OSTN: variants seen among roughly 807,000 people sequenced by gnomAD.
OSTN encodes the protein osteocrin.
Under a neutral mutation model 12.0 loss-of-function variants are expected in OSTN, and 9 were observed. The observed-to-expected ratio is 0.75, with a 90% CI of 0.45 to 1.30. The LOEUF (loss-of-function observed/expected upper bound fraction) is 1.30, where lower values mean the gene tolerates loss of function less well. Ranked by LOEUF, OSTN falls within the 50% of genes most tolerant of loss-of-function variation. The pLI, the probability that OSTN is intolerant of heterozygous loss-of-function variation, is 0.00. For synonymous variants in OSTN, 59 were observed against 56.9 expected (o/e 1.04, Z -0.16); for missense variants, 148 against 152.3 (o/e 0.97, Z 0.15).
chr3:191,204,375 G>A (rs1480663170), intron 1 of OSTN, among the ~76,000 whole-genome samples: 1 of 152,102 alleles, frequency 6.6e-6, no homozygotes, highest in African/African-American at 2.4e-5. Flanking sequence ...TATTTTTTAT[G>A]AGGATAATAT....
At chr3:191,203,207 C>G (rs1714190680) in intron 1 of OSTN, among the ~76,000 whole-genome samples, 1 of 152,202 alleles carries the variant, frequency 6.6e-6, no homozygotes, top group Non-Finnish European at 1.5e-5. Context: ...TTACCTTCCA[C>G]ATAAGGCTGC....
At chr3:191,252,478 G>A (rs528082818) in intron 4 of OSTN, among the ~76,000 whole-genome samples, 1 of 152,294 alleles carries the variant, frequency 6.6e-6, no homozygotes, top group African/African-American at 2.4e-5. Context: ...ATCCAAATTT[G>A]TATGTTGTGT....
chr3:191,243,477 C>T (rs147144458), intron 3 of OSTN, among the ~76,000 whole-genome samples: 2 of 152,254 alleles, frequency 1.3e-5, no homozygotes, highest in East Asian at 3.9e-4. Context: ...TACAGCTCCA[C>T]ATGTCATCTT....
At chr3:191,204,528 T>A (rs1404436133) in intron 1 of OSTN, among the ~76,000 whole-genome samples, 1 of 151,888 alleles carries the variant, frequency 6.6e-6, no homozygotes, top group Non-Finnish European at 1.5e-5. Context: ...AGCTTCTAAG[T>A]GACACAGCCA....
intron 3 of OSTN, among the ~76,000 whole-genome samples, chr3:191,225,490 T>A (rs1191433104): frequency 6.6e-6 from 1 of 152,038 alleles, no homozygotes; most frequent in Non-Finnish European, 1.5e-5. Context: ...TCATATTGAC[T>A]CCCAAATCAC....
intron 4 of OSTN, among the ~76,000 whole-genome samples, chr3:191,261,979 G>A (rs906858016): frequency 6.6e-6 from 1 of 152,238 alleles, no homozygotes; most frequent in Non-Finnish European, 1.5e-5. Flanking sequence ...CACTTTGGGA[G>A]ACCGAGGCGG....
chr3:191,220,373 T>G (rs569714172), intron 3 of OSTN, among the ~76,000 whole-genome samples: 1 of 152,352 alleles, frequency 6.6e-6, no homozygotes, highest in African/African-American at 2.4e-5. Context: ...AGTTCCACTA[T>G]GTTCTGGGTA....
intron 1 of OSTN, among the ~76,000 whole-genome samples, chr3:191,202,469 A>G (rs1157654797): frequency 6.6e-6 from 1 of 152,190 alleles, no homozygotes; most frequent in African/African-American, 2.4e-5. Context: ...TGTATGCCTA[A>G]TAAATGCATC....
intron 1 of OSTN, among the ~76,000 whole-genome samples, chr3:191,202,580 T>C (rs6786491): frequency 0.4 from 60,857 of 152,090 alleles, 12,873 homozygotes; most frequent in African/African-American, 0.54. Context: ...AATTATGATG[T>C]AAGATTTTGA....
intron 4 of OSTN, among the ~76,000 whole-genome samples, chr3:191,252,185 A>T (rs1448911864): frequency 6.6e-6 from 1 of 151,986 alleles, no homozygotes; most frequent in African/African-American, 2.4e-5. Flanking sequence ...TCAGCCTCCC[A>T]AGCATCTGGG....
intron 2 of OSTN, among the ~76,000 whole-genome samples, chr3:191,215,867 C>T (rs1027880626): frequency 5.3e-5 from 8 of 152,130 alleles, no homozygotes; most frequent in African/African-American, 9.7e-5. Flanking sequence ...TGCAAGCTGT[C>T]GGTGGAGCTA....
intron 3 of OSTN, among the ~76,000 whole-genome samples, chr3:191,244,127 G>T (rs1053677235): frequency 1.9e-4 from 29 of 151,962 alleles, no homozygotes; most frequent in African/African-American, 6.8e-4. Flanking sequence ...AAATGTATAG[G>T]TTCTGTATGT....
intron 3 of OSTN, among the ~76,000 whole-genome samples, chr3:191,248,465 T>A (rs1576938188): frequency 6.6e-6 from 1 of 152,220 alleles, no homozygotes; most frequent in African/African-American, 2.4e-5. Context: ...AAAGTAATTA[T>A]TGGTAAATAA....
chr3:191,202,494 T>C (rs892624984), intron 1 of OSTN, among the ~76,000 whole-genome samples: 1 of 152,186 alleles, frequency 6.6e-6, no homozygotes, highest in Admixed American at 6.5e-5. Flanking sequence ...TTTTGAGTAG[T>C]ATAAAATTTA....
At chr3:191,250,277 A>G (rs1715530173) in intron 4 of OSTN, among the ~76,000 whole-genome samples, 144 bp downstream of exon 4, 1 of 152,136 alleles carries the variant, frequency 6.6e-6, no homozygotes, top group South Asian at 2.1e-4. Flanking sequence ...TATGTATGCA[A>G]TGAGTATAGT....
chr3:191,231,329 C>T (rs1281249726), intron 3 of OSTN, among the ~76,000 whole-genome samples: 1 of 151,514 alleles, frequency 6.6e-6, no homozygotes, highest in African/African-American at 2.4e-5. Flanking sequence ...GTTACCAAGG[C>T]TTCAGCGTCA....
chr3:191,205,384 T>C (rs942978006), intron 1 of OSTN, among the ~76,000 whole-genome samples: 1 of 151,820 alleles, frequency 6.6e-6, no homozygotes, highest in Non-Finnish European at 1.5e-5. Flanking sequence ...TTGAATATTT[T>C]TTTGAATATT....
chr3:191,210,733 TAG>T (rs1470800914), intron 1 of OSTN, among the ~76,000 whole-genome samples: 2 of 152,218 alleles, frequency 1.3e-5, no homozygotes, highest in Non-Finnish European at 2.9e-5. Flanking sequence ...TTTAAGAAAA[TAG>T]AGTTTCTTGA....
At chr3:191,225,140 A>G (rs1311571888) in intron 3 of OSTN, among the ~76,000 whole-genome samples, 1 of 152,150 alleles carries the variant, frequency 6.6e-6, no homozygotes, top group Non-Finnish European at 1.5e-5. Context: ...CAACATGGAA[A>G]TAGTCATTAC....
Sources: allele counts gnomAD v4.1 joint callset (sites outside exome capture counted in the v4.1 genomes callset), GRCh38; gene constraint gnomAD v4.1.1; transcripts MANE v1.5; gene names NCBI Gene and HGNC (gene_info 2026-07-23, HGNC 2026-07-21).